The following VPS33A variants were observed in gnomAD, a reference collection of about 807,000 sequenced individuals.
The protein encoded by VPS33A is VPS33A core subunit of CORVET and HOPS complexes, also known as vacuolar protein sorting-associated protein 33A.
A neutral mutation model predicts 71.8 loss-of-function variants in VPS33A; 32 were observed. That is an observed-to-expected ratio of 0.45 (90% CI 0.34 to 0.60). The LOEUF is 0.60. Ranked by LOEUF, VPS33A falls within the 20% of genes least tolerant of loss-of-function variation. VPS33A has a pLI of 0.02. For missense variants in VPS33A, 625 were observed against 748.5 expected (o/e 0.84, Z 1.92); for synonymous variants, 311 against 292.7 (o/e 1.06, Z -0.64).
intron 11 of VPS33A, among the ~76,000 whole-genome samples, chr12:122,233,385 C>T (rs1414247399): frequency 6.6e-6 from 1 of 152,172 alleles, no homozygotes; most frequent in Admixed American, 6.5e-5. Flanking sequence ...ACCACCACTC[C>T]TGGCTCATTG....
chr12:122,265,306 G>C (rs1007945896), intron 1 of VPS33A, among the ~76,000 whole-genome samples: 2 of 152,032 alleles, frequency 1.3e-5, no homozygotes, highest in African/African-American at 4.8e-5. Context: ...AGAGTGAAAG[G>C]GAGTGAGGAC....
chr12:122,241,238 TA>T (rs1232635164), intron 8 of VPS33A: 1 of 152,094 alleles, frequency 6.6e-6, no homozygotes, highest in Non-Finnish European at 1.5e-5. Context: ...ACATTCCAAA[TA>T]TTTTTCATAT....
At chr12:122,252,801 G>T (rs1954862996) in intron 4 of VPS33A, 1 of 152,204 alleles carries the variant, frequency 6.6e-6, no homozygotes, top group Non-Finnish European at 1.5e-5. Context: ...CATAGGGCAA[G>T]TATTAAATGA....
intron 5 of VPS33A, among the ~76,000 whole-genome samples, chr12:122,250,512 C>T (rs890055564): frequency 5.9e-5 from 9 of 152,204 alleles, no homozygotes; most frequent in African/African-American, 2.2e-4. Flanking sequence ...AGCTCTGTGA[C>T]TCGTGCCTGA....
chr12:122,237,871 G>T (rs1161328592), intron 10 of VPS33A, among the ~76,000 whole-genome samples: 4 of 151,500 alleles, frequency 2.6e-5, no homozygotes, highest in Non-Finnish European at 5.9e-5. Context: ...GCTGGTTTTG[G>T]ACTCCTGGGC....
chr12:122,249,793 C>T, intron 6 of VPS33A, 78 bp downstream of exon 6: 1 of 1,328,124 alleles, frequency 7.5e-7, no homozygotes, highest in South Asian at 1.5e-5. Context: ...CTTAAGTGTG[C>T]AATATACAAA....
In VPS33A at chr12:122,266,467, G is replaced by A. The variant is rs1466913158; in HGVS notation, c.-59C>T. On this transcript the variant is annotated 5_prime_UTR_variant, in exon 1 of 13. Coordinates refer to ENST00000267199, the MANE Select transcript of VPS33A (RefSeq NM_022916.6). ...CCGAGTCCGCCGGTTCCTACGGGAG[G>A]ACCACGGACGCAGTCACGTGACCAA... 1.3e-6 allele frequency: 2 copies of A among 1,573,870 alleles called. No homozygotes were observed. The highest frequency in any genetic ancestry group is 1.7e-6 in the Non-Finnish European group (2 of 1,153,844).
intron 3 of VPS33A, 107 bp from the exon 4 acceptor site, chr12:122,261,554 T>C: frequency 1.9e-6 from 2 of 1,040,160 alleles, no homozygotes; most frequent in Non-Finnish European, 2.9e-6. Context: ...AAATAAATGC[T>C]GGCTAGATAA....
intron 10 of VPS33A, among the ~76,000 whole-genome samples, chr12:122,236,316 T>C (rs1954629169): frequency 6.6e-6 from 1 of 151,958 alleles, no homozygotes; most frequent in South Asian, 2.1e-4. Flanking sequence ...AAAAATAACA[T>C]GTAGAGTAGG....
chr12:122,239,644 T>G (rs1419514511), intron 9 of VPS33A, among the ~76,000 whole-genome samples: 1 of 147,108 alleles, frequency 6.8e-6, no homozygotes, highest in Non-Finnish European at 1.5e-5. Context: ...TGAGGCAGAA[T>G]GGCGTCAACC....
intron 6 of VPS33A, among the ~76,000 whole-genome samples, chr12:122,245,147 TAAAACCAAAACCAAAC>T (rs1859849803): frequency 6.6e-6 from 1 of 152,178 alleles, no homozygotes; most frequent in Non-Finnish European, 1.5e-5. Context: ...AGTAGCATCT[TAAAACCAAAACCAAAC>T]GAAACCAAAA....
At chr12:122,265,216 C>T (rs1955051484) in intron 1 of VPS33A, among the ~76,000 whole-genome samples, 1 of 151,988 alleles carries the variant, frequency 6.6e-6, no homozygotes, top group Non-Finnish European at 1.5e-5. Flanking sequence ...TATTCCACCA[C>T]GCCTGGCCAA....
chr12:122,254,039 A>G (rs939883105), intron 4 of VPS33A, among the ~76,000 whole-genome samples: 12 of 152,124 alleles, frequency 7.9e-5, no homozygotes, highest in Non-Finnish European at 1.5e-4. Flanking sequence ...ATACCCACAC[A>G]GCAGAATACC....
intron 4 of VPS33A, among the ~76,000 whole-genome samples, chr12:122,259,368 C>T (rs76953911): frequency 2.0e-5 from 3 of 151,974 alleles, no homozygotes; most frequent in East Asian, 1.9e-4. Context: ...TACAGGCATG[C>T]GCCATCATGC....
chr12:122,265,821 G>C (rs1204812494), intron 1 of VPS33A: 1 of 422,678 alleles, frequency 2.4e-6, no homozygotes, highest in African/African-American at 2.0e-5. Context: ...TGCTACTAGA[G>C]AAGTTATACT....
chr12:122,244,817 T>C (rs1442512384), intron 6 of VPS33A, 55 bp from the exon 7 acceptor site: 5 of 1,537,342 alleles, frequency 3.3e-6, no homozygotes, highest in African/African-American at 1.4e-5. Context: ...GAAGAACCAA[T>C]CCGGTAACCA....
At chr12:122,238,311 C>G (rs1221089558) in intron 10 of VPS33A, among the ~76,000 whole-genome samples, 1 of 152,166 alleles carries the variant, frequency 6.6e-6, no homozygotes, top group Non-Finnish European at 1.5e-5. Flanking sequence ...ACCTCCGCCT[C>G]CTGCGTTCAA....
chr12:122,265,129 A>C (rs535007381), intron 1 of VPS33A, among the ~76,000 whole-genome samples: 2 of 152,134 alleles, frequency 1.3e-5, no homozygotes, highest in South Asian at 4.2e-4. Context: ...CATGTCACCC[A>C]GGCTGGTCTC....
intron 8 of VPS33A, among the ~76,000 whole-genome samples, chr12:122,240,527 A>T (rs1954700130): frequency 6.6e-6 from 1 of 152,230 alleles, no homozygotes; most frequent in African/African-American, 2.4e-5. Context: ...AGTATGAATG[A>T]AAGCTAATTT....
Sources: gnomAD v4.1 joint callset for allele counts (sites outside exome capture counted in the v4.1 genomes callset) on GRCh38, gnomAD v4.1.1 for gene constraint, MANE v1.5 for transcripts, NCBI Gene and HGNC (gene_info 2026-07-23, HGNC 2026-07-21) for gene names.